The following NSUN2 variants were observed in gnomAD, a reference collection of about 807,000 sequenced individuals.
The protein encoded by NSUN2 is RNA cytosine C(5)-methyltransferase NSUN2.
In NSUN2, 63 loss-of-function variants were observed where a neutral mutation model predicts 92.7. That is an observed-to-expected ratio of 0.68 (90% confidence interval 0.56 to 0.84). The LOEUF (loss-of-function observed/expected upper bound fraction) is 0.84, where lower values mean the gene tolerates loss of function less well. NSUN2 is among the 40% of genes least tolerant of loss of function. The pLI is 0.00. For synonymous variants in NSUN2, 356 were observed against 348.3 expected (o/e 1.02, Z -0.25); for missense variants, 989 against 964.9 (o/e 1.02, Z -0.33).
In NSUN2 at chr5:6,611,819, C is replaced by T. The variant is rs576390588; in HGVS notation, c.1022-21G>A. 9.9e-6 allele frequency: 16 copies of T among 1,611,214 alleles called. No individual in the cohort carries two copies. The African/African-American group carries it at 1.3e-4, about 13-fold the overall frequency. On this transcript the variant is annotated intron_variant, in intron 9 of 18. Transcript: ENST00000264670. ...AGCACCTGTGCAGCAAAAGCATGGA[C>T]GTCTTTTGTTTTTCAAAAAAGTATT...
At chr5:6,605,700 C>CT (rs879418991) in intron 14 of NSUN2, among the ~76,000 whole-genome samples, 238 of 144,880 alleles carry the variant, frequency 1.6e-3, no homozygotes, top group African/African-American at 2.9e-3. Flanking sequence ...ACTTTTGAGA[C>CT]TTTTTTTTTT....
chr5:6,613,195 C>T (rs995685870), intron 9 of NSUN2, among the ~76,000 whole-genome samples: 13 of 152,186 alleles, frequency 8.5e-5, no homozygotes, highest in Non-Finnish European at 1.5e-5. Context: ...ATTTTTGACA[C>T]TTGCTAACAG....
chr5:6,613,480 A>G (rs1342035814), intron 9 of NSUN2, among the ~76,000 whole-genome samples: 3 of 152,206 alleles, frequency 2.0e-5, no homozygotes, highest in Non-Finnish European at 4.4e-5. Context: ...TCCACCCCCA[A>G]GGTATCTCCC....
chr5:6,606,954 G>T, intron 13 of NSUN2, 42 bp from the exon 14 acceptor site: 1 of 1,209,850 alleles, frequency 8.3e-7, no homozygotes, highest in Non-Finnish European at 1.2e-6. Flanking sequence ...TCTGTAATGT[G>T]TGGTAACCTT....
In NSUN2 at chr5:6,600,221, G is replaced by A. The variant is rs773963736; in HGVS notation, c.2009C>T (p.Ala670Val). The A allele has an allele frequency of 1.2e-6, 2 of 1,613,166 alleles. No homozygotes were observed. The highest frequency in any genetic ancestry group is 8.5e-7 in the Non-Finnish European group (1 of 1,179,274). Residue 670 changes from alanine to valine, a missense_variant, in exon 19 of 19, where the codon GCT becomes GTT. Physicochemically the swap from Ala to Val is moderately conservative, Grantham distance 64. Coordinates refer to ENST00000264670, the MANE Select transcript of NSUN2 (RefSeq NM_017755.6). ...KYEPDSANPD[A>V]LQCPIVLCGW... Reference sequence around the variant, plus strand: ...GCATAAGACGATGGGACACTGCAGAGCGTCTGGATTCCTACAAGTGAAAGT... The same window carrying A: ...GCATAAGACGATGGGACACTGCAGAACGTCTGGATTCCTACAAGTGAAAGT...
intron 7 of NSUN2, among the ~76,000 whole-genome samples, chr5:6,618,277 G>A (rs917321335): frequency 1.3e-5 from 2 of 152,146 alleles, no homozygotes; most frequent in African/African-American, 4.8e-5. Flanking sequence ...CATTCACTAA[G>A]GAGATATTAA....
chr5:6,623,421 C>T (rs1737541439), intron 4 of NSUN2, 136 bp from the exon 5 acceptor site: 1 of 662,054 alleles, frequency 1.5e-6, no homozygotes, highest in Non-Finnish European at 2.5e-6. Flanking sequence ...CTCATACTAT[C>T]ACACAGAACA....
chr5:6,610,910 C>T, intron 11 of NSUN2, 45 bp downstream of exon 11: 1 of 1,609,212 alleles, frequency 6.2e-7, no homozygotes. Context: ...AGGGATGGGG[C>T]TTAACCTTCC....
chr5:6,623,845 C>T (rs931823029), intron 4 of NSUN2, among the ~76,000 whole-genome samples: 2 of 132,252 alleles, frequency 1.5e-5, no homozygotes, highest in Non-Finnish European at 3.4e-5. Flanking sequence ...TTCCTCACCA[C>T]ACTCCCTGCC....
In NSUN2 at chr5:6,603,996, C is replaced by G. The variant is rs1254429039; in HGVS notation, c.1957+142G>C. 3 of 756,658 alleles carry G rather than the reference C, an allele frequency of 4.0e-6. No homozygotes were observed. In the African/African-American group the frequency reaches 5.2e-5, roughly 13 times the overall value. The allele number at this position is 756,658 out of a possible 1,614,324, so 46.9% of individuals were successfully genotyped here. A position where few individuals can be genotyped will look rare whatever the true frequency, so the allele number is the denominator to read the frequency against. ...TTCTGAACTGTCAATCAGGGATCTA[C>G]AGAACCCTCTGGAAATTGATGTAGC... On this transcript the variant is annotated intron_variant, in intron 17 of 18. Coordinates refer to ENST00000264670, the MANE Select transcript of NSUN2 (RefSeq NM_017755.6).
intron 17 of NSUN2, 96 bp from the exon 18 acceptor site, chr5:6,602,596 G>A (rs1736602772): frequency 1.8e-6 from 2 of 1,119,938 alleles, no homozygotes; most frequent in East Asian, 4.7e-5. Flanking sequence ...TAAGTATTCT[G>A]AAGAAAGAAA....
chr5:6,627,120 T>C (rs938048832), intron 3 of NSUN2, among the ~76,000 whole-genome samples: 1 of 152,224 alleles, frequency 6.6e-6, no homozygotes, highest in Admixed American at 6.5e-5. Flanking sequence ...CTATCTCATA[T>C]AGCCCAGTTC....
chr5:6,614,752 G>A (rs1271659244), intron 9 of NSUN2, among the ~76,000 whole-genome samples: 2 of 152,174 alleles, frequency 1.3e-5, no homozygotes, highest in Non-Finnish European at 2.9e-5. Context: ...CATGTTCTCT[G>A]AGCGGGGACA....
intron 18 of NSUN2, among the ~76,000 whole-genome samples, chr5:6,600,948 C>T (rs545142815): frequency 2.2e-4 from 33 of 152,198 alleles, no homozygotes; most frequent in East Asian, 1.4e-3. Context: ...CAGGAGGCAT[C>T]GACGCCCCAG....
At chr5:6,630,737 G>A (rs2126511415) in intron 3 of NSUN2, among the ~76,000 whole-genome samples, 2 of 152,206 alleles carry the variant, frequency 1.3e-5, no homozygotes, top group Middle Eastern at 3.4e-3. Context: ...AACACTAAAG[G>A]TTATCCAAAA....
At chr5:6,610,385 T>A (rs1210622329) in intron 11 of NSUN2, among the ~76,000 whole-genome samples, 3 of 151,964 alleles carry the variant, frequency 2.0e-5, no homozygotes, top group Middle Eastern at 3.2e-3. Context: ...GCCCACTTTG[T>A]AATCTTTAAA....
At position 6,604,256 on chromosome 5, in the gene NSUN2, T is replaced by C. The variant is rs746250160; in HGVS notation, c.1839A>G (p.Pro613=). 2 of 1,598,612 alleles carry C rather than the reference T, an allele frequency of 1.3e-6. No homozygotes were observed. Among genetic ancestry groups the C allele is most frequent in the South Asian group, 1.1e-5 (1 of 90,518 alleles). Residue 613 remains proline (P), a synonymous_variant, in exon 17 of 19, where the codon CCA becomes CCG. Transcript: ENST00000264670. The part of the protein sequence containing the change: ...LAQEGIYTLY[P]FINSRIITVS... ...CAGTAATAATTCTTGAGTTAATAAATGGATACAATGTATATATTCCCTGTG... is the reference window on the plus strand; with the variant it reads ...CAGTAATAATTCTTGAGTTAATAAACGGATACAATGTATATATTCCCTGTG...
At chr5:6,603,163 C>A (rs1364298834) in intron 17 of NSUN2, among the ~76,000 whole-genome samples, 1 of 152,100 alleles carries the variant, frequency 6.6e-6, no homozygotes, top group African/African-American at 2.4e-5. Flanking sequence ...AGAATGAAGA[C>A]AACAGAAAGA....
chr5:6,612,512 G>A (rs1737041811), intron 9 of NSUN2, among the ~76,000 whole-genome samples: 1 of 152,176 alleles, frequency 6.6e-6, no homozygotes, highest in Non-Finnish European at 1.5e-5. Context: ...TATAAGGTGA[G>A]GCCATTACAG....
Sources: gnomAD v4.1 joint callset for allele counts (sites outside exome capture counted in the v4.1 genomes callset) on GRCh38, gnomAD v4.1.1 for gene constraint, MANE v1.5 for transcripts, NCBI Gene and HGNC (gene_info 2026-07-23, HGNC 2026-07-21) for gene names.